Variants in OXR1 observed in about 807,000 individuals in gnomAD.
OXR1 encodes oxidation resistance protein 1.
Under a neutral mutation model 104.6 loss-of-function variants are expected in OXR1, and 41 were observed. The observed-to-expected ratio is 0.39, with a 90% CI of 0.31 to 0.51. The LOEUF (loss-of-function observed/expected upper bound fraction) is 0.51. OXR1 is among the 20% of genes least tolerant of loss of function. The pLI, the probability that OXR1 is intolerant of heterozygous loss-of-function variation, is 0.77. For missense variants in OXR1, 955 were observed against 1,031.9 expected, an observed-to-expected ratio of 0.93 and a Z score of 1.02; for synonymous variants, 348 against 348.4, an observed-to-expected ratio of 1.00 and a Z score of 0.01.
chr8:106,618,591 T>C (rs1356469052), intron 3 of OXR1, among the ~76,000 whole-genome samples: 1 of 152,190 alleles, frequency 6.6e-6, no homozygotes, highest in Admixed American at 6.5e-5. Flanking sequence ...TTTTTATTCA[T>C]TCATAGGACA....
intron 3 of OXR1, among the ~76,000 whole-genome samples, chr8:106,632,127 T>C (rs769751004): frequency 6.6e-6 from 1 of 152,154 alleles, no homozygotes; most frequent in Non-Finnish European, 1.5e-5. Flanking sequence ...TGAAGAAAGA[T>C]ACAACATGAT....
At chr8:106,306,896 T>C (rs1004427656) in intron 1 of OXR1, among the ~76,000 whole-genome samples, 1 of 151,454 alleles carries the variant, frequency 6.6e-6, no homozygotes, top group South Asian at 2.1e-4. Context: ...TCAAAATAGA[T>C]TGTAGATGTT....
At chr8:106,556,033 T>C (rs1439579126) in intron 3 of OXR1, among the ~76,000 whole-genome samples, 3 of 151,196 alleles carry the variant, frequency 2.0e-5, no homozygotes, top group East Asian at 3.9e-4. Context: ...CTTAGTTAAA[T>C]GAAGTAAGAC....
intron 2 of OXR1, among the ~76,000 whole-genome samples, chr8:106,438,596 A>G (rs955368865): frequency 6.6e-6 from 1 of 152,130 alleles, no homozygotes; most frequent in Non-Finnish European, 1.5e-5. Flanking sequence ...CAAATCATTT[A>G]ACTGCTCTGA....
At chr8:106,646,167 G>C (rs2045789) in intron 3 of OXR1, among the ~76,000 whole-genome samples, 1 of 151,294 alleles carries the variant, frequency 6.6e-6, no homozygotes, top group East Asian at 1.9e-4. Flanking sequence ...GTGCAGTGGC[G>C]TGATCTCGGC....
intron 3 of OXR1, 48 bp downstream of exon 3, chr8:106,519,187 A>C: frequency 4.6e-6 from 6 of 1,291,332 alleles, no homozygotes; most frequent in Non-Finnish European, 6.4e-6. Context: ...ATCTACCTAA[A>C]TGGCATTGAG....
At chr8:106,653,081 A>ATATATATAT (rs374747254) in intron 3 of OXR1, among the ~76,000 whole-genome samples, 278 of 121,678 alleles carry the variant, frequency 2.3e-3, no homozygotes, top group East Asian at 4.0e-3. Context: ...GAAAAAAAAA[A>ATATATATAT]AAATATATAT....
chr8:106,346,808 G>GGC (rs1815503066), intron 1 of OXR1, among the ~76,000 whole-genome samples: 1 of 152,144 alleles, frequency 6.6e-6, no homozygotes, highest in Non-Finnish European at 1.5e-5. Flanking sequence ...GGGAGGCCAA[G>GGC]GCGGGCGGAT....
At chr8:106,482,471 T>C (rs1438406237) in intron 2 of OXR1, among the ~76,000 whole-genome samples, 1 of 151,466 alleles carries the variant, frequency 6.6e-6, no homozygotes, top group Non-Finnish European at 1.5e-5. Context: ...CTCTGTGATG[T>C]TGAGAGAGTT....
rs192806418 is a variant in OXR1 at position 106,422,680 on chromosome 8, C to T, written c.23+63044C>T. Among the ~76,000 whole-genome samples, 247 of 152,178 alleles carry T rather than the reference C, an allele frequency of 1.6e-3. 3 individuals carry two copies. The highest frequency in any genetic ancestry group is 1.6e-3 in the Non-Finnish European group (112 of 67,998). ...ATAGAAATAACTACCATTTTTAGAGCACTCATTTTATGCTCACAACTCTAT... is the reference window on the plus strand; with the variant it reads ...ATAGAAATAACTACCATTTTTAGAGTACTCATTTTATGCTCACAACTCTAT... On this transcript the variant is annotated intron_variant, in intron 2 of 16. Coordinates refer to ENST00000517566, the MANE Select transcript of OXR1 (RefSeq NM_001198533.2).
intron 2 of OXR1, among the ~76,000 whole-genome samples, chr8:106,373,624 C>T (rs1352529711): frequency 6.6e-6 from 1 of 152,152 alleles, no homozygotes; most frequent in African/African-American, 2.4e-5. Context: ...CAGTCTCCCT[C>T]TGTCACCCAG....
intron 1 of OXR1, chr8:106,272,972 A>C (rs1365579058): frequency 1.3e-5 from 2 of 152,168 alleles, no homozygotes; most frequent in African/African-American, 2.4e-5. Context: ...GGTATCATAT[A>C]AAAGCAGAGA....
intron 7 of OXR1, among the ~76,000 whole-genome samples, chr8:106,695,009 TTAAG>T (rs1198296403): frequency 1.4e-5 from 2 of 145,300 alleles, no homozygotes; most frequent in Non-Finnish European, 3.0e-5. Context: ...CATTCTCACT[TTAAG>T]TAGCATTATA....
At chr8:106,569,306 A>G (rs1817301151) in intron 3 of OXR1, among the ~76,000 whole-genome samples, 1 of 152,146 alleles carries the variant, frequency 6.6e-6, no homozygotes, top group South Asian at 2.1e-4. Flanking sequence ...GAGAGTTGCC[A>G]AGTTCAAGTA....
chr8:106,526,582 G>A (rs1670398), intron 3 of OXR1, among the ~76,000 whole-genome samples: 125,462 of 152,148 alleles, frequency 0.82, 51,925 homozygotes, highest in Admixed American at 0.87. Flanking sequence ...TCGCTCTGTC[G>A]CCCAGGCTGG....
At chr8:106,385,960 G>A (rs746866670) in intron 2 of OXR1, among the ~76,000 whole-genome samples, 18 of 152,202 alleles carry the variant, frequency 1.2e-4, no homozygotes, top group Non-Finnish European at 1.9e-4. Context: ...AGATTCAGAC[G>A]TCTAAGCCTT....
At position 106,701,013 on chromosome 8, in the gene OXR1, T is replaced by C. The variant is rs184913386; in HGVS notation, c.676-1893T>C. Among the ~76,000 whole-genome samples the C allele has an allele frequency of 9.8e-5, 15 of 152,302 alleles. No individual in the cohort carries two copies. The East Asian group carries it at 2.7e-3, about 27-fold the overall frequency. ...CAAATATACTCTATCCTTGATTATCTACATCTTGGATTATCCTAGACAATG... is the reference window on the plus strand; with the variant it reads ...CAAATATACTCTATCCTTGATTATCCACATCTTGGATTATCCTAGACAATG... On this transcript the variant is annotated intron_variant, in intron 7 of 16. Transcript: ENST00000517566.
At chr8:106,615,778 C>T (rs975905407) in intron 3 of OXR1, among the ~76,000 whole-genome samples, 4 of 152,128 alleles carry the variant, frequency 2.6e-5, no homozygotes, top group Admixed American at 1.3e-4. Flanking sequence ...TGCAAGGAAA[C>T]ATTGTGTCAT....
intron 2 of OXR1, among the ~76,000 whole-genome samples, chr8:106,423,542 TA>T (rs1377989483): frequency 3.3e-5 from 5 of 152,230 alleles, no homozygotes; most frequent in African/African-American, 1.2e-4. Context: ...AAGATGGTTC[TA>T]AACAGAGTTT....
Sources: allele counts gnomAD v4.1 joint callset (sites outside exome capture counted in the v4.1 genomes callset), GRCh38; gene constraint gnomAD v4.1.1; transcripts MANE v1.5; gene names NCBI Gene and HGNC (gene_info 2026-07-23, HGNC 2026-07-21).